The following ALOX5 variants were observed in gnomAD, a reference collection of about 807,000 sequenced individuals.
The protein encoded by ALOX5 is arachidonate 5-lipoxygenase.
In ALOX5, 64 loss-of-function variants were observed where a neutral mutation model predicts 87.9. That is an observed-to-expected ratio of 0.73 (90% CI 0.60 to 0.90). The LOEUF (loss-of-function observed/expected upper bound fraction) is 0.90. Ranked by LOEUF, ALOX5 falls within the 40% of genes least tolerant of loss-of-function variation. The probability of loss-of-function intolerance (pLI) is 0.00; values close to 1 mark genes in which losing one functional copy is unlikely to be tolerated. For synonymous variants in ALOX5, 388 were observed against 355.1 expected, an observed-to-expected ratio of 1.09 and a Z score of -1.04; for missense variants, 822 against 907.5, an observed-to-expected ratio of 0.91 and a Z score of 1.21.
intron 3 of ALOX5, among the ~76,000 whole-genome samples, chr10:45,399,515 A>C (rs1177476318): frequency 6.6e-6 from 1 of 152,220 alleles, no homozygotes; most frequent in East Asian, 1.9e-4. Context: ...ATAGATCTAA[A>C]AGTAAGGGCT....
At position 45,424,145 on chromosome 10, in the gene ALOX5, C is replaced by T; in HGVS notation, c.659C>T (p.Ser220Phe). The change falls in exon 5 of 14, where the codon TCT becomes TTT. Residue 220 changes from serine to phenylalanine, a missense_variant and splice_region_variant. Coordinates refer to ENST00000374391, the MANE Select transcript of ALOX5 (RefSeq NM_000698.5). ...TTTGTCAAGATCAGCAACACTATTT[C>T]TGGTGAGTGTGCCTCTGGGGGCCCA... ...KIFVKISNTI[S>F]ERVMNHWQED... 1 of 1,612,668 alleles carries T rather than the reference C, an allele frequency of 6.2e-7. No individual in the cohort carries two copies. Among genetic ancestry groups the T allele is most frequent in the Admixed American group, 1.7e-5 (1 of 60,026 alleles).
At chr10:45,443,963 C>T in intron 12 of ALOX5, 135 bp downstream of exon 12, 1 of 1,434,236 alleles carries the variant, frequency 7.0e-7, no homozygotes, top group South Asian at 1.3e-5. Flanking sequence ...ATGGATTCTG[C>T]CCGCTCAGCC....
Position 45,413,193 on chromosome 10 carries a change from A to G in ALOX5, c.554+880A>G, listed in dbSNP as rs547015556. On this transcript the variant is annotated intron_variant, in intron 4 of 13. Transcript: ENST00000374391. ...ATGAACATCAATGCGAAAATCCTCA[A>G]TAAAATACTGGCAAACCGAATCCAG... Among the ~76,000 whole-genome samples, 19 of 152,348 alleles carry G rather than the reference A, an allele frequency of 1.2e-4. No homozygotes were observed. The South Asian group carries it at 3.3e-3, about 27-fold the overall frequency.
chr10:45,444,601 A>G (rs1842375083), intron 13 of ALOX5: 2 of 370,180 alleles, frequency 5.4e-6, no homozygotes, highest in African/African-American at 2.1e-5. Context: ...GGTACTCCAG[A>G]GGGAATGACC....
intron 7 of ALOX5, among the ~76,000 whole-genome samples, chr10:45,437,371 G>T (rs549558918): frequency 6.6e-6 from 1 of 152,242 alleles, no homozygotes; most frequent in Admixed American, 6.5e-5. Context: ...AAATGCTACT[G>T]ATTTTTGTAC....
chr10:45,403,640 T>C (rs182351085), intron 3 of ALOX5, among the ~76,000 whole-genome samples: 4 of 152,258 alleles, frequency 2.6e-5, no homozygotes, highest in Admixed American at 2.6e-4. Context: ...AATTGAAAAA[T>C]CAAAAATAAA....
chr10:45,380,842 T>A (rs1300906809), intron 1 of ALOX5, among the ~76,000 whole-genome samples: 2 of 152,086 alleles, frequency 1.3e-5, no homozygotes, highest in South Asian at 2.1e-4. Flanking sequence ...CTTGGGAGAC[T>A]GAGGCAGGAG....
chr10:45,428,439 T>G, intron 6 of ALOX5, 179 bp from the exon 7 acceptor site: 1 of 762,486 alleles, frequency 1.3e-6, no homozygotes, highest in Non-Finnish European at 2.1e-6. Context: ...CCACAACCTG[T>G]GAACACCTTC....
intron 3 of ALOX5, among the ~76,000 whole-genome samples, chr10:45,402,610 C>T (rs1184768850): frequency 6.6e-6 from 1 of 152,204 alleles, no homozygotes; most frequent in Non-Finnish European, 1.5e-5. Flanking sequence ...GGTGATTATT[C>T]TTCCAGGTCT....
chr10:45,377,749 G>T (rs1004923402), intron 1 of ALOX5, among the ~76,000 whole-genome samples: 1 of 152,094 alleles, frequency 6.6e-6, no homozygotes, highest in African/African-American at 2.4e-5. Context: ...CCTTGCTTCC[G>T]CAGAGAGATC....
chr10:45,393,100 T>A (rs1186372701), intron 2 of ALOX5, among the ~76,000 whole-genome samples: 2 of 152,230 alleles, frequency 1.3e-5, no homozygotes, highest in Non-Finnish European at 2.9e-5. Flanking sequence ...CTAACTCATT[T>A]TATGAGGCCA....
chr10:45,426,775 G>A lies in ALOX5; in HGVS notation c.834+1643G>A, dbSNP rs191288436. On this transcript the variant is annotated intron_variant, in intron 6 of 13. Transcript: ENST00000374391. Reference sequence around the variant, plus strand: ...TCATCCCCTGCACTGTCTCTCTCTCGCTCCATGTCTCAATCCTCTGCCTCT... The same window carrying A: ...TCATCCCCTGCACTGTCTCTCTCTCACTCCATGTCTCAATCCTCTGCCTCT... 2.2e-3 allele frequency among the ~76,000 whole-genome samples: 341 copies of A among 152,250 alleles called. 1 individual carries two copies. The highest frequency in any genetic ancestry group is 7.6e-3 in the African/African-American group (317 of 41,544).
intron 3 of ALOX5, among the ~76,000 whole-genome samples, chr10:45,404,891 T>C (rs1368796684): frequency 1.3e-5 from 2 of 152,226 alleles, no homozygotes; most frequent in Non-Finnish European, 2.9e-5. Flanking sequence ...CCCCAGTAAC[T>C]GTTTCTGAGA....
chr10:45,396,989 A>G (rs990063051), intron 3 of ALOX5, among the ~76,000 whole-genome samples: 9 of 152,372 alleles, frequency 5.9e-5, no homozygotes, highest in Admixed American at 3.3e-4. Context: ...TTCAATAGAC[A>G]TACAAAAAAG....
At chr10:45,376,648 T>C (rs1470703325) in intron 1 of ALOX5, among the ~76,000 whole-genome samples, 1 of 152,190 alleles carries the variant, frequency 6.6e-6, no homozygotes, top group African/African-American at 2.4e-5. Flanking sequence ...ACAATAAAGG[T>C]ATTTCCACAC....
Position 45,443,337 on chromosome 10 carries a change from G to A in ALOX5, c.1452-79G>A, listed in dbSNP as rs1013498719. On this transcript the variant is annotated intron_variant, in intron 10 of 13. Coordinates refer to ENST00000374391, the MANE Select transcript of ALOX5 (RefSeq NM_000698.5). Reference sequence around the variant, plus strand: ...GGGGACGGGGTGGGGGAGTCCCAGCGTCCGTGAGGGGGTTGCCGCCGGGCA... The same window carrying A: ...GGGGACGGGGTGGGGGAGTCCCAGCATCCGTGAGGGGGTTGCCGCCGGGCA... The A allele has an allele frequency of 6.9e-6, 11 of 1,588,084 alleles. No individual in the cohort carries two copies. The East Asian group carries it at 2.0e-4, about 29-fold the overall frequency.
chr10:45,423,307 G>A (rs776952833), intron 4 of ALOX5, among the ~76,000 whole-genome samples: 13 of 152,358 alleles, frequency 8.5e-5, no homozygotes, highest in Middle Eastern at 3.4e-3. Flanking sequence ...AGTCTTTTGT[G>A]TGCCAGAGAG....
At chr10:45,395,465 G>A (rs1410891871) in intron 2 of ALOX5, among the ~76,000 whole-genome samples, 1 of 152,138 alleles carries the variant, frequency 6.6e-6, no homozygotes, top group East Asian at 1.9e-4. Context: ...ATGGGGTGGG[G>A]GTAAGGGGGA....
intron 1 of ALOX5, among the ~76,000 whole-genome samples, chr10:45,379,965 C>G (rs1839770540): frequency 6.6e-6 from 1 of 152,158 alleles, no homozygotes; most frequent in Non-Finnish European, 1.5e-5. Flanking sequence ...GCAGCTAAGG[C>G]CTCTGTAAAT....
Sources: allele counts gnomAD v4.1 joint callset (sites outside exome capture counted in the v4.1 genomes callset), GRCh38; gene constraint gnomAD v4.1.1; transcripts MANE v1.5; gene names NCBI Gene and HGNC (gene_info 2026-07-23, HGNC 2026-07-21).